Variants in RASGRF1 observed in about 807,000 individuals in gnomAD.
RASGRF1 encodes the protein Ras protein specific guanine nucleotide releasing factor 1.
In RASGRF1, 40 loss-of-function variants were observed where a neutral mutation model predicts 138.7. That is an observed-to-expected ratio of 0.29 (90% CI 0.22 to 0.38). The LOEUF is 0.38. Among genes scored for constraint, RASGRF1 ranks in the 10% least tolerant of loss-of-function variants. The pLI is 1.00. For synonymous variants in RASGRF1, 614 were observed against 663.2 expected (o/e 0.93, Z 1.14); for missense variants, 1,108 against 1,650.4 (o/e 0.67, Z 5.69).
At position 79,041,685 on chromosome 15, in the gene RASGRF1, A is replaced by G. The variant is rs116632761; in HGVS notation, c.878+5061T>C. Among the ~76,000 whole-genome samples the G allele has an allele frequency of 3.8e-3, 578 of 152,326 alleles. 7 individuals are homozygous for G. The highest frequency in any genetic ancestry group is 0.013 in the African/African-American group (543 of 41,576). On this transcript the variant is annotated intron_variant, in intron 5 of 26. Coordinates refer to ENST00000558480, the MANE Select transcript of RASGRF1 (RefSeq NM_001145648.3). Reference sequence around the variant, plus strand: ...TTTGCCTGGTTCCCTCCCTGAGCCCAGAAAGGGGCATGACATACCCAAGGC... The same window carrying G: ...TTTGCCTGGTTCCCTCCCTGAGCCCGGAAAGGGGCATGACATACCCAAGGC...
intron 8 of RASGRF1, among the ~76,000 whole-genome samples, chr15:79,029,296 C>T (rs904840986): frequency 6.6e-6 from 1 of 152,088 alleles, no homozygotes; most frequent in Admixed American, 6.6e-5. Flanking sequence ...CATGCTAGTT[C>T]CCTAGAGATG....
intron 1 of RASGRF1, among the ~76,000 whole-genome samples, chr15:79,086,583 C>G (rs914277524): frequency 5.3e-5 from 8 of 151,740 alleles, no homozygotes; most frequent in African/African-American, 7.3e-5. Context: ...AGACCCCCCC[C>G]CCCCAGCTTC....
chr15:79,059,965 CACACACACA>C lies in RASGRF1; in HGVS notation c.384-1493_384-1485del, dbSNP rs1346596072. 8.2e-3 allele frequency among the ~76,000 whole-genome samples: 519 copies of C among 62,924 alleles called. 4 individuals are homozygous for C. Among genetic ancestry groups the C allele is most frequent in the East Asian group, 0.077 (116 of 1,510 alleles). The allele number at this position is 62,924 out of a possible 152,430, so 41.3% of individuals were successfully genotyped here. A position where few individuals can be genotyped will look rare whatever the true frequency, so the allele number is the denominator to read the frequency against. ...CAGCCAGTGTCTCCACTGATACACT[CACACACACA>C]CACACACAGACACACAGACACACAC... On this transcript the variant is annotated intron_variant, in intron 2 of 26. Coordinates refer to ENST00000558480, the MANE Select transcript of RASGRF1 (RefSeq NM_001145648.3).
At chr15:79,081,451 G>A (rs1010865602) in intron 1 of RASGRF1, among the ~76,000 whole-genome samples, 1 of 152,224 alleles carries the variant, frequency 6.6e-6, no homozygotes, top group African/African-American at 2.4e-5. Context: ...CTAACACACA[G>A]ATCGGAGCAG....
At chr15:78,974,077 G>A (rs1211212078) in intron 24 of RASGRF1, among the ~76,000 whole-genome samples, 1 of 152,138 alleles carries the variant, frequency 6.6e-6, no homozygotes, top group Non-Finnish European at 1.5e-5. Flanking sequence ...TGGGAGCTGG[G>A]CCCCCGGAGT....
intron 26 of RASGRF1, among the ~76,000 whole-genome samples, chr15:78,970,755 T>G (rs1283269989): frequency 2.0e-5 from 3 of 151,626 alleles, no homozygotes; most frequent in Non-Finnish European, 4.4e-5. Flanking sequence ...CTTTGAATAA[T>G]GTAATGAGAC....
intron 15 of RASGRF1, among the ~76,000 whole-genome samples, chr15:79,002,161 C>T (rs563447714): frequency 6.6e-6 from 1 of 151,556 alleles, no homozygotes; most frequent in East Asian, 1.9e-4. Flanking sequence ...CTTTGAGTTA[C>T]ACGATCTCTC....
chr15:78,997,840 G>A (rs2056428677), intron 19 of RASGRF1: 1 of 502,478 alleles, frequency 2.0e-6, no homozygotes, highest in South Asian at 2.2e-5. Flanking sequence ...CACACATGGA[G>A]AAGTGTGCTG....
At chr15:78,976,318 G>A (rs2055869331) in intron 24 of RASGRF1, among the ~76,000 whole-genome samples, 1 of 152,032 alleles carries the variant, frequency 6.6e-6, no homozygotes, top group South Asian at 2.1e-4. Context: ...TCGCTTCCCT[G>A]GCCGCATTGG....
chr15:78,975,461 C>A (rs997736964), intron 24 of RASGRF1, among the ~76,000 whole-genome samples: 3 of 149,718 alleles, frequency 2.0e-5, no homozygotes, highest in African/African-American at 7.4e-5. Context: ...CCTTCCATCC[C>A]TTCCAGTCCA....
Position 79,004,188 on chromosome 15 carries a change from C to CG in RASGRF1, c.2076-14dup, listed in dbSNP as rs1472810066. ...GAGCTCCAGCGACCTGTGGGGAGGG[C>CG]GGGGGTGAAAATGACAGTTAGCGTA... On this transcript the variant is annotated splice_polypyrimidine_tract_variant and intron_variant, in intron 14 of 26. Coordinates refer to ENST00000558480, the MANE Select transcript of RASGRF1 (RefSeq NM_001145648.3). The CG allele has an allele frequency of 6.5e-7, 1 of 1,547,992 alleles. No individual in the cohort carries two copies. Among genetic ancestry groups the CG allele is most frequent in the East Asian group, 2.3e-5 (1 of 44,142 alleles).
In RASGRF1 at chr15:79,050,952, TG is replaced by T. The variant is rs549639746; in HGVS notation, c.532-1365del. On this transcript the variant is annotated intron_variant, in intron 3 of 26. Transcript: ENST00000558480. This position sits in a 1 kb window ranked among gnomAD's most constrained non-coding sequence, Gnocchi z 4.1. ...GCAGCTGTTTCATTTATTGTGCTCCTGGTGCCTAGCGCAAGGTTGGGCACTC... is the reference window on the plus strand; with the variant it reads ...GCAGCTGTTTCATTTATTGTGCTCCTGTGCCTAGCGCAAGGTTGGGCACTC... 1.1e-4 allele frequency among the ~76,000 whole-genome samples: 17 copies of T among 152,376 alleles called. No individual in the cohort carries two copies. In the East Asian group the frequency reaches 3.3e-3, roughly 29 times the overall value.
chr15:79,000,608 A>C (rs1372708077), intron 16 of RASGRF1, among the ~76,000 whole-genome samples: 4 of 152,220 alleles, frequency 2.6e-5, no homozygotes, highest in Non-Finnish European at 4.4e-5. Context: ...TAATAATAAT[A>C]ATCATAATTT....
intron 26 of RASGRF1, among the ~76,000 whole-genome samples, chr15:78,971,090 T>G (rs1274227855): frequency 6.6e-6 from 1 of 152,164 alleles, no homozygotes; most frequent in African/African-American, 2.4e-5. Context: ...AAGAAAGACA[T>G]GTCTACCCCG....
At chr15:78,997,888 T>G in intron 19 of RASGRF1, 2 of 577,952 alleles carry the variant, frequency 3.5e-6, no homozygotes, top group Admixed American at 3.0e-5. Context: ...TGGCGCAGGG[T>G]GGGGAGAGAG....
chr15:78,998,921 T>C, intron 17 of RASGRF1, 96 bp from the exon 18 acceptor site: 2 of 913,834 alleles, frequency 2.2e-6, no homozygotes, highest in Non-Finnish European at 3.6e-6. Flanking sequence ...CTGGCTGAGC[T>C]GGGGTGAGTG....
chr15:79,007,147 A>G (rs1193565531), intron 13 of RASGRF1, among the ~76,000 whole-genome samples: 1 of 152,260 alleles, frequency 6.6e-6, no homozygotes, highest in Non-Finnish European at 1.5e-5. Context: ...GCAGCTGTCA[A>G]GATGTAAGGA....
At chr15:79,033,581 C>CTTTTTTTTTTTTTTTTTTTTTT (rs71148586) in intron 6 of RASGRF1, among the ~76,000 whole-genome samples, 5 of 93,956 alleles carry the variant, frequency 5.3e-5, no homozygotes, top group African/African-American at 8.8e-5. Context: ...TTTTTCTTTT[C>CTTTTTTTTTTTTTTTTTTTTTT]TTTTTTTTTT....
At chr15:79,056,647 T>C (rs760772519) in intron 3 of RASGRF1, among the ~76,000 whole-genome samples, 10 of 152,094 alleles carry the variant, frequency 6.6e-5, no homozygotes, top group African/African-American at 2.4e-4. Flanking sequence ...GGAATGAAAG[T>C]ATGTCGTGAA....
Sources: gnomAD v4.1 joint callset for allele counts (sites outside exome capture counted in the v4.1 genomes callset) on GRCh38, gnomAD v4.1.1 for gene constraint, Gnocchi (gnomAD v3.1) non-coding constraint, MANE v1.5 for transcripts, NCBI Gene and HGNC (gene_info 2026-07-23, HGNC 2026-07-21) for gene names.